The following PLEKHG4B variants were observed in gnomAD, a reference collection of about 807,000 sequenced individuals.
PLEKHG4B encodes pleckstrin homology and RhoGEF domain containing G4B.
A neutral mutation model predicts 121.3 loss-of-function variants in PLEKHG4B; 111 were observed. The ratio of observed to expected loss-of-function variants is 0.92; its 90% CI spans 0.78 to 1.07. The LOEUF (loss-of-function observed/expected upper bound fraction) is 1.07. PLEKHG4B is among the 50% of genes least tolerant of loss of function. The pLI is 0.00. For missense variants in PLEKHG4B, 1,831 were observed against 1,757.8 expected (o/e 1.04, Z -0.74); for synonymous variants, 738 against 725.0 (o/e 1.02, Z -0.29).
intron 2 of PLEKHG4B, among the ~76,000 whole-genome samples, chr5:122,455 T>C (rs1368115314): frequency 6.6e-6 from 1 of 152,124 alleles, no homozygotes; most frequent in South Asian, 2.1e-4. Context: ...AGTCTTGCAC[T>C]GTCTCCTGGG....
At position 161,765 on chromosome 5, in the gene PLEKHG4B, T is replaced by G. The variant is rs1736010142; in HGVS notation, c.2488-18T>G. 6.2e-7 allele frequency: 1 copy of G among 1,613,246 alleles called. No homozygotes were observed. Among genetic ancestry groups the G allele is most frequent in the Non-Finnish European group, 8.5e-7 (1 of 1,180,022 alleles). ...GGAAGCACCGGGCTTGTACTGATGC[T>G]TTGTTCCTTGGGTACAGCAATCCTG... On this transcript the variant is annotated intron_variant, in intron 11 of 19. Coordinates refer to ENST00000637938, the MANE Select transcript of PLEKHG4B (RefSeq NM_052909.5).
intron 6 of PLEKHG4B, among the ~76,000 whole-genome samples, chr5:146,201 CTTT>C (rs1180175876): frequency 7.0e-6 from 1 of 142,350 alleles, no homozygotes; most frequent in Non-Finnish European, 1.5e-5. Flanking sequence ...CATGGTACTT[CTTT>C]TTCTCCCCCT....
At chr5:178,118 T>TG (rs1403240095) in intron 18 of PLEKHG4B, among the ~76,000 whole-genome samples, 1 of 152,212 alleles carries the variant, frequency 6.6e-6, no homozygotes, top group Non-Finnish European at 1.5e-5. Flanking sequence ...CCTTTTCTGG[T>TG]GGGGTCCCCC....
rs147846847 is a variant in PLEKHG4B, at chr5:119,250, C to A, written c.243+5802C>A. Reference sequence around the variant, plus strand: ...GAATTTATATCTAAAGGCCACAGTGCAATAAAACTAGAAATCAACAACAAG... The same window carrying A: ...GAATTTATATCTAAAGGCCACAGTGAAATAAAACTAGAAATCAACAACAAG... On this transcript the variant is annotated intron_variant, in intron 2 of 19. Coordinates refer to ENST00000637938, the MANE Select transcript of PLEKHG4B (RefSeq NM_052909.5). 2.2e-3 allele frequency among the ~76,000 whole-genome samples: 332 copies of A among 152,166 alleles called. 2 individuals are homozygous for A. The highest frequency in any genetic ancestry group is 7.5e-3 in the African/African-American group (310 of 41,500).
intron 1 of PLEKHG4B, among the ~76,000 whole-genome samples, 161 bp downstream of exon 1, chr5:92,437 G>C (rs1273516210): frequency 1.1e-4 from 4 of 35,024 alleles, no homozygotes; most frequent in African/African-American, 4.2e-4. Context: ...GAGCGGACGC[G>C]GGAGTAGGGG....
chr5:161,659 A>T, intron 11 of PLEKHG4B, 124 bp from the exon 12 acceptor site: 1 of 1,199,892 alleles, frequency 8.3e-7, no homozygotes. Flanking sequence ...GAGAGGCAGC[A>T]GCAGGCAGCA....
chr5:164,048 G>A (rs1736148912), intron 13 of PLEKHG4B, among the ~76,000 whole-genome samples: 1 of 152,268 alleles, frequency 6.6e-6, no homozygotes. Context: ...CCCTGCCTAG[G>A]CCGGATGCCG....
chr5:150,071 TAGC>T (rs1194260593), intron 6 of PLEKHG4B, among the ~76,000 whole-genome samples: 2 of 152,236 alleles, frequency 1.3e-5, no homozygotes, highest in African/African-American at 4.8e-5. Flanking sequence ...GCTGTGTTCA[TAGC>T]AGCATTATCC....
intron 18 of PLEKHG4B, among the ~76,000 whole-genome samples, chr5:180,633 G>A (rs1223165869): frequency 3.9e-5 from 6 of 152,158 alleles, no homozygotes; most frequent in Non-Finnish European, 7.4e-5. Flanking sequence ...GTTCTTGGCC[G>A]TGGGCTTGGA....
chr5:96,056 C>T (rs369561268), intron 1 of PLEKHG4B, among the ~76,000 whole-genome samples: 2 of 152,180 alleles, frequency 1.3e-5, no homozygotes, highest in South Asian at 2.1e-4. Context: ...AGCTCTTGAT[C>T]CCTAACTTTT....
intron 6 of PLEKHG4B, among the ~76,000 whole-genome samples, chr5:146,033 C>T (rs1215544995): frequency 6.6e-6 from 1 of 151,724 alleles, no homozygotes; most frequent in Non-Finnish European, 1.5e-5. Flanking sequence ...TTCCACTCCC[C>T]TTCCATGGTC....
At chr5:135,543 G>A (rs369955299) in intron 2 of PLEKHG4B, among the ~76,000 whole-genome samples, 13 of 149,282 alleles carry the variant, frequency 8.7e-5, no homozygotes, top group African/African-American at 3.2e-4. Context: ...GCAGGTACCT[G>A]TAGGCCCAGC....
At chr5:101,739 T>C (rs1349167691) in intron 1 of PLEKHG4B, among the ~76,000 whole-genome samples, 4 of 136,552 alleles carry the variant, frequency 2.9e-5, no homozygotes, top group Non-Finnish European at 3.1e-5. Flanking sequence ...GGAGAGACTG[T>C]TGTGAGGTTA....
At chr5:93,575 C>T (rs910663081) in intron 1 of PLEKHG4B, among the ~76,000 whole-genome samples, 1 of 152,152 alleles carries the variant, frequency 6.6e-6, no homozygotes, top group African/African-American at 2.4e-5. Flanking sequence ...CAGATGTGGC[C>T]TGGGCTGGGA....
chr5:121,629 T>A (rs1310483097), intron 2 of PLEKHG4B, among the ~76,000 whole-genome samples: 1 of 152,164 alleles, frequency 6.6e-6, no homozygotes, highest in Non-Finnish European at 1.5e-5. Flanking sequence ...GCAAACTGCA[T>A]GCATCAGGGA....
Position 154,960 on chromosome 5 carries a change from A to G in PLEKHG4B, c.2078A>G (p.Tyr693Cys). 3.7e-6 allele frequency: 6 copies of G among 1,613,472 alleles called. No homozygotes were observed. The highest frequency in any genetic ancestry group is 5.1e-6 in the Non-Finnish European group (6 of 1,180,016). The change falls in exon 8 of 20, where the codon TAC (tyrosine) becomes TGC (cysteine). Residue 693 changes from tyrosine (Y) to cysteine (C), a missense_variant. Transcript: ENST00000637938. ...LTADLDGSFP[Y>C]SHGDWICFRQ... ...GCAGACCTCGACGGCTCCTTTCCCT[A>G]CAGCCATGGTGACTGGATCTGCTTC...
At position 113,749 on chromosome 5, in the gene PLEKHG4B, G is replaced by A. The variant is rs1184660087; in HGVS notation, c.243+301G>A. On this transcript the variant is annotated intron_variant, in intron 2 of 19. Coordinates refer to ENST00000637938, the MANE Select transcript of PLEKHG4B (RefSeq NM_052909.5). This position sits in a 1 kb window ranked among gnomAD's most constrained non-coding sequence, Gnocchi z 5.2. The stretch of plus-strand genomic sequence containing the variant: ...TTCAGAGCAGGTATCTCAGAACTAA[G>A]TTACTACAGCAGTCACAATGCCGGC... Among the ~76,000 whole-genome samples the A allele has an allele frequency of 2.0e-5, 3 of 152,214 alleles. No individual in the cohort carries two copies. Among genetic ancestry groups the A allele is most frequent in the African/African-American group, 7.2e-5 (3 of 41,442 alleles).
intron 16 of PLEKHG4B, among the ~76,000 whole-genome samples, chr5:171,901 C>T (rs1736567406): frequency 6.6e-6 from 1 of 152,210 alleles, no homozygotes; most frequent in South Asian, 2.1e-4. Flanking sequence ...CTGCTGCCCG[C>T]GACCGGCTGC....
Position 137,537 on chromosome 5 carries a change from T to C in PLEKHG4B, c.244-1946T>C, listed in dbSNP as rs1279678715. Among the ~76,000 whole-genome samples the C allele has an allele frequency of 6.6e-6, 1 of 152,110 alleles. No homozygotes were observed. Among genetic ancestry groups the C allele is most frequent in the Non-Finnish European group, 1.5e-5 (1 of 68,020 alleles). On this transcript the variant is annotated intron_variant, in intron 2 of 19. Transcript: ENST00000637938. The surrounding 1 kb of genome is among the most constrained non-coding windows in gnomAD (Gnocchi z 4.2). Reference sequence around the variant, plus strand: ...CTACAGTGAAGAAACCCTATGCATATTGGAAATAGGGTTTGGAAATAGGTT... The same window carrying C: ...CTACAGTGAAGAAACCCTATGCATACTGGAAATAGGGTTTGGAAATAGGTT...
Sources: gnomAD v4.1 joint callset for allele counts (sites outside exome capture counted in the v4.1 genomes callset) on GRCh38, gnomAD v4.1.1 for gene constraint, Gnocchi (gnomAD v3.1) non-coding constraint, MANE v1.5 for transcripts, NCBI Gene and HGNC (gene_info 2026-07-23, HGNC 2026-07-21) for gene names.